Variants in SUSD1 observed in about 807,000 individuals in gnomAD.
SUSD1 encodes sushi domain-containing protein 1.
A neutral mutation model predicts 86.9 loss-of-function variants in SUSD1; 65 were observed. The observed-to-expected ratio is 0.75, with a 90% CI of 0.61 to 0.92. The LOEUF is 0.92. SUSD1 is among the 40% of genes least tolerant of loss of function. The pLI, the probability that SUSD1 is intolerant of heterozygous loss-of-function variation, is 0.00. For missense variants in SUSD1, 850 were observed against 929.7 expected, an observed-to-expected ratio of 0.91 and a Z score of 1.11; for synonymous variants, 346 against 350.0, an observed-to-expected ratio of 0.99 and a Z score of 0.13.
At chr9:112,117,431 G>A (rs1831372742) in intron 6 of SUSD1, among the ~76,000 whole-genome samples, 1 of 152,184 alleles carries the variant, frequency 6.6e-6, no homozygotes, top group Non-Finnish European at 1.5e-5. Flanking sequence ...GGCCCCCACA[G>A]TGTCCAGCTG....
chr9:112,088,890 T>C (rs1041382915), intron 10 of SUSD1, among the ~76,000 whole-genome samples: 2 of 152,132 alleles, frequency 1.3e-5, no homozygotes, highest in African/African-American at 4.8e-5. Flanking sequence ...GAGGATCACT[T>C]GAGGTCAGGA....
rs1241199258 is a variant in SUSD1, at chr9:112,112,681, A to G, written c.984+90T>C. On this transcript the variant is annotated intron_variant, in intron 7 of 16. Transcript: ENST00000374270. The stretch of plus-strand genomic sequence containing the variant: ...AGAAAAAAAAACAGCAATTAGATTG[A>G]GAAGCTCTCACGGAAGCAAGTCCCT... 10 of 819,520 alleles carry G rather than the reference A, an allele frequency of 1.2e-5. No individual in the cohort carries two copies. The Admixed American group carries it at 1.6e-4, about 13-fold the overall frequency. 50.8% of individuals were successfully genotyped at this position (819,520 alleles called of 1,614,324 possible).
intron 8 of SUSD1, among the ~76,000 whole-genome samples, chr9:112,103,857 G>A (rs1462642307): frequency 6.6e-6 from 1 of 152,098 alleles, no homozygotes; most frequent in Non-Finnish European, 1.5e-5. Flanking sequence ...AAGAACTGGA[G>A]GAGAACTAGA....
intron 1 of SUSD1, among the ~76,000 whole-genome samples, chr9:112,160,309 C>A (rs1006824729): frequency 6.6e-6 from 1 of 152,002 alleles, no homozygotes; most frequent in African/African-American, 2.4e-5. Flanking sequence ...TTTGGGAGGC[C>A]AAGGCGGGTG....
chr9:112,117,346 G>A (rs909029311), intron 6 of SUSD1, among the ~76,000 whole-genome samples: 11 of 152,100 alleles, frequency 7.2e-5, no homozygotes, highest in Non-Finnish European at 2.9e-5. Flanking sequence ...TTTGACTTTG[G>A]GTAGAGGTGG....
At chr9:112,172,885 C>G (rs1489678597) in intron 1 of SUSD1, among the ~76,000 whole-genome samples, 2 of 152,186 alleles carry the variant, frequency 1.3e-5, no homozygotes, top group Non-Finnish European at 2.9e-5. Flanking sequence ...AGGAAACCTG[C>G]CCTTCATAAA....
intron 14 of SUSD1, among the ~76,000 whole-genome samples, chr9:112,054,979 A>C (rs1227794177): frequency 6.6e-6 from 1 of 152,246 alleles, no homozygotes; most frequent in African/African-American, 2.4e-5. Flanking sequence ...GAACTCTTAA[A>C]ATTTAACAAA....
chr9:112,094,361 G>A (rs1469527505), intron 10 of SUSD1, among the ~76,000 whole-genome samples: 1 of 152,096 alleles, frequency 6.6e-6, no homozygotes, highest in Non-Finnish European at 1.5e-5. Context: ...TGGATCCACG[G>A]TTTCTCCACA....
Position 112,154,215 on chromosome 9 carries a change from G to A in SUSD1, c.217+3285C>T, listed in dbSNP as rs369786628. ...ATTAAAACTATCAGTGGGGCCAGGT[G>A]CAGTAGCTCACACCTGTAATCCCAG... On this transcript the variant is annotated intron_variant, in intron 2 of 16. Transcript: ENST00000374270. Among the ~76,000 whole-genome samples the A allele has an allele frequency of 2.2e-4, 33 of 151,972 alleles. No individual in the cohort carries two copies. The East Asian group carries it at 6.4e-3, about 29-fold the overall frequency.
chr9:112,067,599 C>A (rs1411529026), intron 12 of SUSD1, among the ~76,000 whole-genome samples: 1 of 152,188 alleles, frequency 6.6e-6, no homozygotes, highest in Non-Finnish European at 1.5e-5. Flanking sequence ...AGAAGAATTG[C>A]TGTGAATTCC....
rs772372431 is a variant in SUSD1, at chr9:112,058,436, A to G, written c.2101T>C (p.Trp701Arg). Residue 701 changes from tryptophan (W) to arginine (R), a missense_variant, in exon 14 of 17, where the codon TGG becomes CGG. By Grantham distance (101) the Trp-to-Arg change is moderately radical. Coordinates refer to ENST00000374270, the MANE Select transcript of SUSD1 (RefSeq NM_022486.5). ...CTTGGAAAGAAAGATACCTTATTCCATTCACTTGTGATTCGTAATATAATG... is the reference window on the plus strand; with the variant it reads ...CTTGGAAAGAAAGATACCTTATTCCGTTCACTTGTGATTCGTAATATAATG... ...YCIILRITSE[W>R]NKVRRHSCAV... 1 of 1,613,894 alleles carries G rather than the reference A, an allele frequency of 6.2e-7. No homozygotes were observed. Among genetic ancestry groups the G allele is most frequent in the Non-Finnish European group, 8.5e-7 (1 of 1,179,860 alleles).
intron 12 of SUSD1, among the ~76,000 whole-genome samples, chr9:112,063,824 T>C (rs531189642): frequency 3.9e-5 from 6 of 152,266 alleles, no homozygotes; most frequent in African/African-American, 1.4e-4. Context: ...ATGCCCCATC[T>C]TACTTAATCT....
chr9:112,145,859 CA>C (rs1294261294), intron 3 of SUSD1: 1 of 152,126 alleles, frequency 6.6e-6, no homozygotes, highest in East Asian at 1.9e-4. Context: ...AGGAGTCATT[CA>C]GGGGGCAGTT....
chr9:112,174,489 T>C (rs2131879412), intron 1 of SUSD1, among the ~76,000 whole-genome samples: 1 of 152,278 alleles, frequency 6.6e-6, no homozygotes, highest in African/African-American at 2.4e-5. Flanking sequence ...TGCTTGGAAA[T>C]AGAACATTTG....
In SUSD1 at chr9:112,040,974, T is replaced by C. The variant is rs1827709766; in HGVS notation, c.*518A>G. ...ACTGTTTCTAAAGTGCTTGAAACAT[T>C]TGCCTACGTCACTGTTCTCTTTTTC... is the stretch of plus-strand genomic sequence containing the variant. On this transcript the variant is annotated 3_prime_UTR_variant, in exon 17 of 17. Transcript: ENST00000374270. 6.1e-6 allele frequency: 1 copy of C among 164,952 alleles called. No individual in the cohort carries two copies. Among genetic ancestry groups the C allele is most frequent in the Admixed American group, 5.9e-5 (1 of 17,016 alleles). 10.2% of individuals were successfully genotyped at this position (164,952 alleles called of 1,614,324 possible). A position where few individuals can be genotyped will look rare whatever the true frequency, so the allele number is the denominator to read the frequency against.
intron 10 of SUSD1, among the ~76,000 whole-genome samples, chr9:112,098,251 A>G (rs896169577): frequency 1.3e-5 from 2 of 152,260 alleles, no homozygotes; most frequent in East Asian, 1.9e-4. Context: ...AAATCAGTCT[A>G]TCCTTGGTCT....
At chr9:112,055,031 T>C (rs556693710) in intron 14 of SUSD1, among the ~76,000 whole-genome samples, 2 of 152,314 alleles carry the variant, frequency 1.3e-5, no homozygotes, top group African/African-American at 4.8e-5. Flanking sequence ...AGGACTTAAA[T>C]AGACATTTCT....
At chr9:112,047,195 A>G (rs1158197656) in intron 15 of SUSD1, among the ~76,000 whole-genome samples, 3 of 152,184 alleles carry the variant, frequency 2.0e-5, no homozygotes, top group Non-Finnish European at 2.9e-5. Flanking sequence ...CACAGTCTTC[A>G]CATGGCCAGA....
Position 112,142,487 on chromosome 9 carries a change from C to A in SUSD1, c.539G>T (p.Gly180Val). 1 of 1,606,346 alleles carries A rather than the reference C, an allele frequency of 6.2e-7. No homozygotes were observed. Among genetic ancestry groups the A allele is most frequent in the Non-Finnish European group, 8.5e-7 (1 of 1,178,396 alleles). Residue 180 changes from glycine to valine, a missense_variant, in exon 5 of 17, where the codon GGT becomes GTT. Transcript: ENST00000374270. ...DATSCTEIDCGTPPEVPDGYI... is the reference protein window; with the variant it reads ...DATSCTEIDCVTPPEVPDGYI... ...GCCATCTGGAACCTCAGGAGGGGTA[C>A]CACAGTCTATTTCTGAAAATAAATT...
Sources: allele counts gnomAD v4.1 joint callset (sites outside exome capture counted in the v4.1 genomes callset), GRCh38; gene constraint gnomAD v4.1.1; transcripts MANE v1.5; gene names NCBI Gene and HGNC (gene_info 2026-07-23, HGNC 2026-07-21).